Variants in ST6GAL2 observed in about 807,000 individuals in gnomAD.
ST6GAL2 encodes beta-galactoside alpha-2,6-sialyltransferase 2.
A neutral mutation model predicts 37.5 loss-of-function variants in ST6GAL2; 24 were observed. That is an observed-to-expected ratio of 0.64 (90% CI 0.46 to 0.90). The LOEUF is 0.90. Ranked by LOEUF, ST6GAL2 falls within the 40% of genes least tolerant of loss-of-function variation. The pLI is 0.00. For missense variants in ST6GAL2, 715 were observed against 712.7 expected (o/e 1.00, Z -0.04); for synonymous variants, 306 against 295.1 (o/e 1.04, Z -0.38).
intron 5 of ST6GAL2, among the ~76,000 whole-genome samples, chr2:106,822,509 A>T (rs928883335): frequency 6.6e-6 from 1 of 152,174 alleles, no homozygotes; most frequent in Middle Eastern, 3.2e-3. Context: ...CCACAAAAAT[A>T]TGGAAATATA....
At chr2:106,820,061 A>G (rs1206675997) in intron 5 of ST6GAL2, among the ~76,000 whole-genome samples, 3 of 152,116 alleles carry the variant, frequency 2.0e-5, no homozygotes, top group Non-Finnish European at 2.9e-5. Flanking sequence ...GAAAGAAGAA[A>G]GAGGAGACTG....
chr2:106,861,828 T>A (rs1053495373), intron 1 of ST6GAL2, among the ~76,000 whole-genome samples: 1 of 151,968 alleles, frequency 6.6e-6, no homozygotes, highest in African/African-American at 2.4e-5. Context: ...GATGGGGTTT[T>A]ACCGTGTTGG....
At chr2:106,885,743 G>A (rs961735731) in intron 1 of ST6GAL2, 2 of 152,176 alleles carry the variant, frequency 1.3e-5, no homozygotes, top group African/African-American at 2.4e-5. Flanking sequence ...TAGCCACAGA[G>A]AACCAGAAAT....
intron 1 of ST6GAL2, among the ~76,000 whole-genome samples, chr2:106,877,312 CAT>C (rs1377948778): frequency 6.6e-6 from 1 of 152,222 alleles, no homozygotes; most frequent in Non-Finnish European, 1.5e-5. Flanking sequence ...TGAACTCTGA[CAT>C]GTGAGATTAC....
intron 5 of ST6GAL2, among the ~76,000 whole-genome samples, chr2:106,816,683 C>T (rs1043841009): frequency 1.3e-5 from 2 of 152,150 alleles, no homozygotes; most frequent in Admixed American, 1.3e-4. Flanking sequence ...CGAATAGAAG[C>T]CTCCACCAAT....
chr2:106,821,432 A>G (rs1428752214), intron 5 of ST6GAL2, among the ~76,000 whole-genome samples: 1 of 151,370 alleles, frequency 6.6e-6, no homozygotes, highest in African/African-American at 2.4e-5. Context: ...AAAAATTAAT[A>G]CATTCCTAGA....
intron 1 of ST6GAL2, among the ~76,000 whole-genome samples, chr2:106,878,893 G>A (rs751117167): frequency 2.0e-5 from 3 of 152,086 alleles, no homozygotes; most frequent in African/African-American, 7.2e-5. Flanking sequence ...GAGCTAATTC[G>A]GGCAATTGAA....
At chr2:106,849,488 T>C (rs965259391) in intron 1 of ST6GAL2, among the ~76,000 whole-genome samples, 4 of 152,142 alleles carry the variant, frequency 2.6e-5, no homozygotes, top group African/African-American at 9.7e-5. Context: ...CTGAAGGAAA[T>C]CAAAATATTT....
At position 106,843,253 on chromosome 2, in the gene ST6GAL2, CG is replaced by C. The variant is rs1558700178; in HGVS notation, c.724del (p.Arg242GlyfsTer5). 1 of 1,594,296 alleles carries C rather than the reference CG, an allele frequency of 6.3e-7. No homozygotes were observed. Among genetic ancestry groups the C allele is most frequent in the Non-Finnish European group, 8.5e-7 (1 of 1,170,126 alleles). On this transcript the variant is annotated frameshift_variant, in exon 2 of 6. Coordinates refer to ENST00000409382, the MANE Select transcript of ST6GAL2 (RefSeq NM_001142351.2). LOFTEE classifies it high-confidence loss of function. ...NKHGVRFRGK[R>X]EAGLSRAQLL... ...CTGTGCCCTGCTCAGCCCGGCCTCCCGCTTCCCGCGGAAGCGCACCCCGTGC... is the reference window on the plus strand; with the variant it reads ...CTGTGCCCTGCTCAGCCCGGCCTCCCCTTCCCGCGGAAGCGCACCCCGTGC...
At chr2:106,832,765 A>T (rs1573236846) in intron 3 of ST6GAL2, 99 bp from the exon 4 acceptor site, 1 of 784,410 alleles carries the variant, frequency 1.3e-6, no homozygotes, top group East Asian at 2.6e-5. Flanking sequence ...GGGCAAAAAA[A>T]CAGGTGGCTC....
rs1324344802 is a variant in ST6GAL2 at position 106,806,524 on chromosome 2, A to G, written c.*154T>C. On this transcript the variant is annotated 3_prime_UTR_variant, in exon 6 of 6. Coordinates refer to ENST00000409382, the MANE Select transcript of ST6GAL2 (RefSeq NM_001142351.2). ...TGTTCAAAGCAGTAATACATACTCA[A>G]TGGCTTAGAAAGAGAAGGATTATCA... 2 of 869,740 alleles carry G rather than the reference A, an allele frequency of 2.3e-6. No individual in the cohort carries two copies. Among genetic ancestry groups the G allele is most frequent in the Non-Finnish European group, 3.5e-6 (2 of 571,388 alleles). 53.9% of individuals were successfully genotyped at this position (869,740 alleles called of 1,614,324 possible).
At chr2:106,872,688 C>CA (rs1678323304) in intron 1 of ST6GAL2, among the ~76,000 whole-genome samples, 1 of 30,758 alleles carries the variant, frequency 3.3e-5, no homozygotes, top group Non-Finnish European at 7.9e-5. Flanking sequence ...CGGCTCACTG[C>CA]ACTCCCGGGT....
intron 1 of ST6GAL2, among the ~76,000 whole-genome samples, chr2:106,855,939 T>C (rs1362770824): frequency 2.6e-5 from 4 of 152,214 alleles, no homozygotes; most frequent in Admixed American, 6.5e-5. Context: ...CAAGAATTAC[T>C]GAATGCTATA....
At chr2:106,881,039 G>GCAA (rs1235532765) in intron 1 of ST6GAL2, among the ~76,000 whole-genome samples, 1 of 152,138 alleles carries the variant, frequency 6.6e-6, no homozygotes, top group Non-Finnish European at 1.5e-5. Context: ...AGGCTGGAGT[G>GCAA]CAACAGAGTG....
At chr2:106,811,112 G>C (rs1573202188) in intron 5 of ST6GAL2, among the ~76,000 whole-genome samples, 1 of 151,758 alleles carries the variant, frequency 6.6e-6, no homozygotes, top group East Asian at 1.9e-4. Flanking sequence ...TGCATACTTA[G>C]TCTTTTAATT....
chr2:106,886,935 G>C (rs1679026319), upstream of ST6GAL2: 1 of 152,508 alleles, frequency 6.6e-6, no homozygotes, highest in African/African-American at 2.4e-5. Context: ...GTTTCTCCCC[G>C]GCCGCCGCCT....
chr2:106,849,720 C>T (rs545751706), intron 1 of ST6GAL2, among the ~76,000 whole-genome samples: 13 of 152,276 alleles, frequency 8.5e-5, no homozygotes, highest in Non-Finnish European at 1.5e-4. Context: ...ACCTATGAGG[C>T]GTCATCTCTA....
intron 5 of ST6GAL2, among the ~76,000 whole-genome samples, chr2:106,807,241 A>T (rs1675446236): frequency 6.6e-6 from 1 of 152,150 alleles, no homozygotes; most frequent in Non-Finnish European, 1.5e-5. Flanking sequence ...AACTTGAGGG[A>T]ACCACACGCT....
At chr2:106,833,177 G>A (rs1049014860) in intron 3 of ST6GAL2, among the ~76,000 whole-genome samples, 2 of 146,156 alleles carry the variant, frequency 1.4e-5, no homozygotes, top group Admixed American at 6.8e-5. Context: ...TTTTCCCTCA[G>A]TTTTAAGATA....
Sources: gnomAD v4.1 joint callset for allele counts (sites outside exome capture counted in the v4.1 genomes callset) on GRCh38, gnomAD v4.1.1 for gene constraint, MANE v1.5 for transcripts, NCBI Gene and HGNC (gene_info 2026-07-23, HGNC 2026-07-21) for gene names.